CRB1: variants seen among roughly 807,000 people sequenced by gnomAD.
The protein encoded by CRB1 is crumbs cell polarity complex component 1, also known as protein crumbs homolog 1.
A neutral mutation model predicts 120.0 loss-of-function variants in CRB1; 83 were observed. That is an observed-to-expected ratio of 0.69 (90% CI 0.58 to 0.83). The LOEUF is 0.83. Among genes scored for constraint, CRB1 ranks in the 40% least tolerant of loss-of-function variants. The probability of loss-of-function intolerance (pLI) is 0.00; values close to 1 mark genes in which losing one functional copy is unlikely to be tolerated. For missense variants in CRB1, 1,699 were observed against 1,687.6 expected, an observed-to-expected ratio of 1.01 and a Z score of -0.12; for synonymous variants, 625 against 612.5, an observed-to-expected ratio of 1.02 and a Z score of -0.30.
chr1:197,374,836 C>G (rs1384749633), intron 5 of CRB1, among the ~76,000 whole-genome samples: 1 of 152,106 alleles, frequency 6.6e-6, no homozygotes, highest in Non-Finnish European at 1.5e-5. Flanking sequence ...AGATACGTTG[C>G]CTTCTGGCTG....
chr1:197,451,990 A>C (rs905564023), intron 11 of CRB1, among the ~76,000 whole-genome samples: 4 of 152,318 alleles, frequency 2.6e-5, no homozygotes, highest in Non-Finnish European at 5.9e-5. Flanking sequence ...TCCATAATAG[A>C]TGCCTGATAT....
chr1:197,317,796 C>T (rs1657942616), intron 1 of CRB1, among the ~76,000 whole-genome samples: 7 of 152,242 alleles, frequency 4.6e-5, no homozygotes, highest in Admixed American at 3.9e-4. Flanking sequence ...TATGCACATG[C>T]AGAACAATGA....
chr1:197,466,473 A>G (rs1222425527), intron 11 of CRB1, among the ~76,000 whole-genome samples: 1 of 152,164 alleles, frequency 6.6e-6, no homozygotes, highest in Non-Finnish European at 1.5e-5. Flanking sequence ...TAATTTTCTG[A>G]TAAATTGGCC....
At chr1:197,319,278 A>AAAAAAAAAAAAAAT (rs1230106700) in intron 1 of CRB1, among the ~76,000 whole-genome samples, 28 of 141,998 alleles carry the variant, frequency 2.0e-4, no homozygotes, top group African/African-American at 7.1e-4. Context: ...AAAAAAAAAA[A>AAAAAAAAAAAAAAT]TTAGCCGGAC....
intron 2 of CRB1, among the ~76,000 whole-genome samples, chr1:197,342,599 A>G (rs1292444086): frequency 6.6e-6 from 1 of 152,008 alleles, no homozygotes; most frequent in African/African-American, 2.4e-5. Flanking sequence ...GGCTGCTCCA[A>G]ATTTTTCCAG....
chr1:197,289,603 G>A (rs555300610), intron 1 of CRB1, among the ~76,000 whole-genome samples: 69 of 151,782 alleles, frequency 4.5e-4, no homozygotes, highest in African/African-American at 1.5e-3. Context: ...TGGTCTCTTC[G>A]CCATTCTCTC....
chr1:197,380,603 T>C (rs905314992), intron 5 of CRB1, among the ~76,000 whole-genome samples: 4 of 152,192 alleles, frequency 2.6e-5, no homozygotes, highest in South Asian at 2.1e-4. Flanking sequence ...GCATTTCTCA[T>C]AGTGCTCTTA....
chr1:197,339,641 A>G (rs1659343759), intron 2 of CRB1, among the ~76,000 whole-genome samples: 1 of 152,202 alleles, frequency 6.6e-6, no homozygotes, highest in African/African-American at 2.4e-5. Context: ...CACTGTAAAG[A>G]ATGATGAAGA....
chr1:197,443,567 A>G (rs935846842), intron 11 of CRB1: 1 of 151,908 alleles, frequency 6.6e-6, no homozygotes, highest in African/African-American at 2.4e-5. Flanking sequence ...ATATATTGTA[A>G]AACTTGAATT....
chr1:197,274,983 C>T (rs1173005091), intron 1 of CRB1, among the ~76,000 whole-genome samples: 1 of 151,898 alleles, frequency 6.6e-6, no homozygotes, highest in East Asian at 1.9e-4. Context: ...GGTAAGAAGC[C>T]CCTTGCTTCC....
intron 5 of CRB1, among the ~76,000 whole-genome samples, chr1:197,417,552 G>A (rs1290256001): frequency 1.3e-5 from 2 of 152,236 alleles, no homozygotes; most frequent in African/African-American, 2.4e-5. Flanking sequence ...CAAAGGGGTT[G>A]AGGAAGGAGC....
At chr1:197,296,958 G>C (rs1008431745) in intron 1 of CRB1, among the ~76,000 whole-genome samples, 8 of 152,000 alleles carry the variant, frequency 5.3e-5, no homozygotes, top group African/African-American at 1.9e-4. Flanking sequence ...AAATTACCCA[G>C]TCTCAGTTAT....
chr1:197,371,507 A>T (rs1033098667), intron 5 of CRB1, among the ~76,000 whole-genome samples: 13 of 152,146 alleles, frequency 8.5e-5, no homozygotes, highest in Non-Finnish European at 1.3e-4. Context: ...GTCTAATTTC[A>T]TCAGGAAAAT....
chr1:197,416,166 TTTTCC>T (rs1304348010), intron 5 of CRB1, among the ~76,000 whole-genome samples: 9 of 152,178 alleles, frequency 5.9e-5, no homozygotes, highest in African/African-American at 1.9e-4. Context: ...TTTGTCTTAC[TTTTCC>T]TTTATTAAAT....
chr1:197,363,427 T>G (rs1660888030), intron 5 of CRB1, among the ~76,000 whole-genome samples: 1 of 152,164 alleles, frequency 6.6e-6, no homozygotes, highest in African/African-American at 2.4e-5. Flanking sequence ...TTTGAGAATG[T>G]GTTTATTGCA....
chr1:197,231,113 G>T, the CRB1 span, among the ~76,000 whole-genome samples: 1 of 152,082 alleles, frequency 6.6e-6, no homozygotes, highest in African/African-American at 2.4e-5. Flanking sequence ...GTTGGTTCTT[G>T]TATGAAGACA....
At chr1:197,255,768 G>C in the CRB1 span, among the ~76,000 whole-genome samples, 1 of 151,636 alleles carries the variant, frequency 6.6e-6, no homozygotes, top group Non-Finnish European at 1.5e-5. Context: ...AATTTAATGA[G>C]TGATTCAGTC....
chr1:197,477,360 C>T (rs1667240141), intron 11 of CRB1, among the ~76,000 whole-genome samples: 1 of 152,128 alleles, frequency 6.6e-6, no homozygotes, highest in Non-Finnish European at 1.5e-5. Context: ...TAAGTGTGGG[C>T]TCATCTTTTG....
At chr1:197,320,623 G>T (rs372427515) in intron 1 of CRB1, among the ~76,000 whole-genome samples, 1 of 152,076 alleles carries the variant, frequency 6.6e-6, no homozygotes, top group East Asian at 1.9e-4. Context: ...AAGATGGAAG[G>T]CTTAAATTTA....
Sources: gnomAD v4.1 joint callset for allele counts (sites outside exome capture counted in the v4.1 genomes callset) on GRCh38, gnomAD v4.1.1 for gene constraint, MANE v1.5 for transcripts, NCBI Gene and HGNC (gene_info 2026-07-23, HGNC 2026-07-21) for gene names.